Variants in CKAP5 observed in about 807,000 individuals in gnomAD.
CKAP5 encodes the protein cytoskeleton-associated protein 5.
A neutral mutation model predicts 232.8 loss-of-function variants in CKAP5; 27 were observed. The ratio of observed to expected loss-of-function variants is 0.12; its 90% CI spans 0.09 to 0.16. The LOEUF is 0.16. Among genes scored for constraint, CKAP5 ranks in the 10% least tolerant of loss-of-function variants. The pLI is 1.00. For synonymous variants in CKAP5, 785 were observed against 841.1 expected (o/e 0.93, Z 1.16); for missense variants, 1,838 against 2,424.7 (o/e 0.76, Z 5.08).
At chr11:46,838,902 G>T (rs1939982077) in intron 1 of CKAP5, among the ~76,000 whole-genome samples, 1 of 150,472 alleles carries the variant, frequency 6.6e-6, no homozygotes, top group African/African-American at 2.4e-5. Flanking sequence ...ACAGCCAACT[G>T]AATAGTCAGA....
chr11:46,841,411 A>G (rs1217053225), intron 1 of CKAP5, among the ~76,000 whole-genome samples: 2 of 152,218 alleles, frequency 1.3e-5, no homozygotes, highest in African/African-American at 4.8e-5. Context: ...TTGTGAGAGT[A>G]TAAGATAAAC....
At chr11:46,824,334 C>T (rs1301704972) in intron 1 of CKAP5, among the ~76,000 whole-genome samples, 1 of 152,052 alleles carries the variant, frequency 6.6e-6, no homozygotes, top group Admixed American at 6.6e-5. Context: ...TCAAATACAC[C>T]AATGATGGGA....
At chr11:46,762,441 GTGGT>G in intron 31 of CKAP5, 182 bp downstream of exon 31, 1 of 874,956 alleles carries the variant, frequency 1.1e-6, no homozygotes, top group Non-Finnish European at 1.9e-6. Context: ...GTGATACTGA[GTGGT>G]GCCTGTATCA....
At chr11:46,768,670 C>T (rs1272820741) in intron 26 of CKAP5, among the ~76,000 whole-genome samples, 1 of 151,594 alleles carries the variant, frequency 6.6e-6, no homozygotes, top group East Asian at 1.9e-4. Flanking sequence ...AAGCCTCAAC[C>T]TCCTGGGCTG....
At position 46,759,353 on chromosome 11, in the gene CKAP5, T is replaced by C. The variant is rs76048236; in HGVS notation, c.4484A>G (p.Asn1495Ser). Reference sequence around the variant, plus strand: ...TGGCATTTCACATCGGACTGTACCATTGTCATTCTCAATCTCATCTAGATC... The same window carrying C: ...TGGCATTTCACATCGGACTGTACCACTGTCATTCTCAATCTCATCTAGATC... ...QLDLDEIEND[N>S]GTVRCEMPEL... The change falls in exon 34 of 44, where the codon AAT becomes AGT. Residue 1495 changes from asparagine to serine, a missense_variant. By Grantham distance (46) the Asn-to-Ser change is conservative. This residue lies in a region of CKAP5 where 579 missense variants were observed against 843.2 expected (regional missense o/e 0.69). Transcript: ENST00000529230. 155 of 1,613,688 alleles carry C rather than the reference T, an allele frequency of 9.6e-5. No homozygotes were observed. The East Asian group carries it at 3.1e-3, about 32-fold the overall frequency.
chr11:46,767,706 T>C (rs1223713474), intron 26 of CKAP5, 43 bp from the exon 27 acceptor site: 3 of 1,218,480 alleles, frequency 2.5e-6, no homozygotes, highest in Admixed American at 3.9e-5. Flanking sequence ...CTTTAACTAA[T>C]ATCATTTTAT....
At chr11:46,843,529 G>A (rs973288089) in intron 1 of CKAP5, among the ~76,000 whole-genome samples, 2 of 151,912 alleles carry the variant, frequency 1.3e-5, no homozygotes, top group East Asian at 1.9e-4. Flanking sequence ...CCAGGAGTTC[G>A]AGACCAGCCT....
At chr11:46,745,490 C>A (rs1449903342) in intron 42 of CKAP5, among the ~76,000 whole-genome samples, 1 of 152,092 alleles carries the variant, frequency 6.6e-6, no homozygotes, top group Non-Finnish European at 1.5e-5. Context: ...GCTGTTTAGG[C>A]CAAAATTATC....
At chr11:46,845,042 T>C (rs1200407392) in intron 1 of CKAP5, among the ~76,000 whole-genome samples, 1 of 152,248 alleles carries the variant, frequency 6.6e-6, no homozygotes, top group African/African-American at 2.4e-5. Flanking sequence ...CCTTTATCTA[T>C]ATCATTAAAT....
At chr11:46,755,960 G>A (rs1203674559) in intron 35 of CKAP5, among the ~76,000 whole-genome samples, 3 of 152,094 alleles carry the variant, frequency 2.0e-5, no homozygotes, top group South Asian at 2.1e-4. Context: ...ATGTTTAAAT[G>A]TTCAATTTAT....
At chr11:46,809,913 TCCA>T in intron 5 of CKAP5, 39 bp from the exon 6 acceptor site, 1 of 1,565,466 alleles carries the variant, frequency 6.4e-7, no homozygotes, top group Admixed American at 1.9e-5. Flanking sequence ...TATCTGCATC[TCCA>T]CCATTAGTTA....
intron 16 of CKAP5, among the ~76,000 whole-genome samples, chr11:46,787,471 A>G (rs984757823): frequency 6.6e-5 from 10 of 152,284 alleles, no homozygotes; most frequent in East Asian, 5.8e-4. Flanking sequence ...GCACTTTCCT[A>G]TACTTCCCTC....
At chr11:46,777,679 G>A in intron 22 of CKAP5, 127 bp from the exon 23 acceptor site, 1 of 607,934 alleles carries the variant, frequency 1.6e-6, no homozygotes. Flanking sequence ...CAGAGACACT[G>A]GCTTGTCATG....
intron 15 of CKAP5, among the ~76,000 whole-genome samples, chr11:46,789,109 A>G (rs541648315): frequency 6.6e-6 from 1 of 152,212 alleles, no homozygotes; most frequent in Non-Finnish European, 1.5e-5. Context: ...AACTGCTTAT[A>G]TGTATTTTCT....
intron 1 of CKAP5, among the ~76,000 whole-genome samples, chr11:46,839,555 C>A (rs1258267944): frequency 6.6e-6 from 1 of 152,150 alleles, no homozygotes; most frequent in Admixed American, 6.5e-5. Context: ...ATGGTAAATG[C>A]CATCTTTCCT....
Position 46,762,972 on chromosome 11 carries a change from T to C in CKAP5, c.3891+4A>G, listed in dbSNP as rs780747378. 1 of 1,611,672 alleles carries C rather than the reference T, an allele frequency of 6.2e-7. No individual in the cohort carries two copies. Among genetic ancestry groups the C allele is most frequent in the East Asian group, 2.2e-5 (1 of 44,864 alleles). ...AGTCTCCCAGAGAGAGAACACCACA[T>C]TACCTTGACGACAAGATAGGGGATG... On this transcript the variant is annotated splice_donor_region_variant and intron_variant, in intron 30 of 43. Transcript: ENST00000529230.
chr11:46,826,226 T>C (rs963790908), intron 1 of CKAP5, among the ~76,000 whole-genome samples: 1 of 152,166 alleles, frequency 6.6e-6, no homozygotes, highest in African/African-American at 2.4e-5. Context: ...AACTGGACTC[T>C]TCCTAAGAGA....
At chr11:46,798,703 T>C (rs990579609) in intron 9 of CKAP5, among the ~76,000 whole-genome samples, 1 of 152,002 alleles carries the variant, frequency 6.6e-6, no homozygotes, top group African/African-American at 2.4e-5. Flanking sequence ...GGGAGCAGCA[T>C]GGGGAGAGAC....
intron 24 of CKAP5, among the ~76,000 whole-genome samples, chr11:46,774,997 T>C (rs1262885592): frequency 1.3e-5 from 2 of 152,078 alleles, no homozygotes; most frequent in South Asian, 2.1e-4. Context: ...GGGATCTAAT[T>C]AAATTAAAGA....
Sources: allele counts gnomAD v4.1 joint callset (sites outside exome capture counted in the v4.1 genomes callset), GRCh38; gene constraint gnomAD v4.1.1; regional missense constraint gnomAD v4.1.1; transcripts MANE v1.5; gene names NCBI Gene and HGNC (gene_info 2026-07-23, HGNC 2026-07-21).